The following C9orf72 variants were observed in gnomAD, a reference collection of about 807,000 sequenced individuals.
C9orf72 encodes guanine nucleotide exchange factor C9orf72.
In C9orf72, 44 loss-of-function variants were observed where a neutral mutation model predicts 51.6. The ratio of observed to expected loss-of-function variants is 0.85; its 90% confidence interval spans 0.67 to 1.10. The LOEUF is 1.10. Among genes scored for constraint, C9orf72 ranks in the 50% least tolerant of loss-of-function variants. C9orf72 has a pLI of 0.00. For missense variants in C9orf72, 607 were observed against 570.6 expected (o/e 1.06, Z -0.65); for synonymous variants, 213 against 194.2 (o/e 1.10, Z -0.81).
In C9orf72 at chr9:27,550,655, C is replaced by T; in HGVS notation, c.1144G>A (p.Asp382Asn). 12 of 1,579,218 alleles carry T rather than the reference C, an allele frequency of 7.6e-6. No homozygotes were observed. Among genetic ancestry groups the T allele is most frequent in the Non-Finnish European group, 9.5e-6 (11 of 1,155,384 alleles). The change falls in exon 9 of 11, where the codon GAT (aspartate) becomes AAT (asparagine). Residue 382 changes from aspartate (D) to asparagine (N), a missense_variant. Coordinates refer to ENST00000380003, the MANE Select transcript of C9orf72 (RefSeq NM_018325.5). ...ATCTCAAGTTCAACATTTACCTGAT[C>T]CAGGAAGGCTTTCACTAGAGTGTCT... The part of the protein sequence containing the change: ...HRDTLVKAFL[D>N]QVFQLKPGLS...
At chr9:27,572,709 T>C (rs1044342689) in intron 1 of C9orf72, among the ~76,000 whole-genome samples, 2 of 152,280 alleles carry the variant, frequency 1.3e-5, no homozygotes, top group African/African-American at 2.4e-5. Context: ...CGCGGCCAGA[T>C]AGACCCAATG....
chr9:27,556,886 C>G, intron 7 of C9orf72, 90 bp from the exon 8 acceptor site: 1 of 847,816 alleles, frequency 1.2e-6, no homozygotes, highest in South Asian at 1.6e-5. Flanking sequence ...TCTGATTTAG[C>G]AAATCCATCT....
At chr9:27,559,949 A>T (rs530713200) in intron 6 of C9orf72, 370 of 176,122 alleles carry the variant, frequency 2.1e-3, no homozygotes, top group Middle Eastern at 0.012. Flanking sequence ...TAGAAGAGTA[A>T]TTTTTTTTAT....
At position 27,550,697 on chromosome 9, in the gene C9orf72, GA is replaced by G; in HGVS notation, c.1101del (p.Gln368LysfsTer9). 1 of 1,573,658 alleles carries G rather than the reference GA, an allele frequency of 6.4e-7. No homozygotes were observed. On this transcript the variant is annotated frameshift_variant, in exon 9 of 11. Transcript: ENST00000380003. LOFTEE classifies it high-confidence loss of function. ...AGAGTGTCTCTGTGTAAGACATCTT[GA>G]AAAATATTCCTGAAGAAAAGAAGAA... ...DESFTPDLNI[F>X]QDVLHRDTLV...
At chr9:27,565,012 G>A (rs1432846788) in intron 3 of C9orf72, among the ~76,000 whole-genome samples, 2 of 152,292 alleles carry the variant, frequency 1.3e-5, no homozygotes, top group South Asian at 2.1e-4. Flanking sequence ...TCCTAGAGGA[G>A]AGGGTAAGAA....
chr9:27,565,246 T>G (rs10812618), intron 3 of C9orf72, among the ~76,000 whole-genome samples: 29,555 of 151,978 alleles, frequency 0.19, 3,109 homozygotes, highest in Non-Finnish European at 0.23. Flanking sequence ...CAATTTTTTT[T>G]ATTTTTACTA....
In C9orf72 at chr9:27,566,972, T is replaced by G. The variant is rs1414695944; in HGVS notation, c.149A>C (p.Glu50Ala). ...TTCTCCATCACTGAGAAGTACCTGTTCTGTCTTTGGAGCCCAAATGTGCCT... is the reference window on the plus strand; with the variant it reads ...TTCTCCATCACTGAGAAGTACCTGTGCTGTCTTTGGAGCCCAAATGTGCCT... ...RVRHIWAPKT[E>A]QVLLSDGEIT... is the part of the protein sequence containing the mutation. Residue 50 changes from glutamate to alanine, a missense_variant, in exon 2 of 11, where the codon GAA becomes GCA. Glu to Ala is a moderately radical substitution (Grantham distance 107). Transcript: ENST00000380003. 1.9e-6 allele frequency: 3 copies of G among 1,614,026 alleles called. No homozygotes were observed. In the African/African-American group the frequency reaches 4.0e-5, roughly 22 times the overall value.
At chr9:27,565,401 T>C (rs149452353) in intron 3 of C9orf72, 130 bp downstream of exon 3, 1 of 492,398 alleles carries the variant, frequency 2.0e-6, no homozygotes, top group Non-Finnish European at 3.6e-6. Context: ...CAGTTTATTC[T>C]GTACACCTCC....
Position 27,566,951 on chromosome 9 carries a change from C to G in C9orf72, c.170G>C (p.Gly57Ala), listed in dbSNP as rs1819481651. 1 of 1,614,094 alleles carries G rather than the reference C, an allele frequency of 6.2e-7. No individual in the cohort carries two copies. Among genetic ancestry groups the G allele is most frequent in the Non-Finnish European group, 8.5e-7 (1 of 1,179,956 alleles). Residue 57 changes from glycine (G) to alanine (A), a missense_variant, in exon 2 of 11, where the codon GGA becomes GCA. Coordinates refer to ENST00000380003, the MANE Select transcript of C9orf72 (RefSeq NM_018325.5). ...PKTEQVLLSD[G>A]EITFLANHTL... ...GTGGTTGGCAAGAAAAGTTATTTCT[C>G]CATCACTGAGAAGTACCTGTTCTGT...
intron 3 of C9orf72, among the ~76,000 whole-genome samples, chr9:27,565,298 A>G (rs1024508947): frequency 6.6e-6 from 1 of 152,128 alleles, no homozygotes; most frequent in Non-Finnish European, 1.5e-5. Flanking sequence ...AACAGAAAAA[A>G]AAAGGGAGCA....
chr9:27,570,389 G>A (rs1301531739), intron 1 of C9orf72, among the ~76,000 whole-genome samples: 1 of 151,946 alleles, frequency 6.6e-6, no homozygotes, highest in African/African-American at 2.4e-5. Context: ...TTAAAAAGGT[G>A]GATAATCATA....
intron 2 of C9orf72, 39 bp downstream of exon 2, chr9:27,566,638 G>T: frequency 7.2e-7 from 1 of 1,393,796 alleles, no homozygotes; most frequent in Non-Finnish European, 9.8e-7. Flanking sequence ...GCTTTCAACA[G>T]ATAGGTTAAC....
At chr9:27,567,820 T>C (rs1031162230) in intron 1 of C9orf72, among the ~76,000 whole-genome samples, 2 of 151,912 alleles carry the variant, frequency 1.3e-5, no homozygotes, top group Non-Finnish European at 2.9e-5. Context: ...AAAAGGCAGA[T>C]ACTGGATTGT....
At chr9:27,551,252 A>G (rs891380580) in intron 8 of C9orf72, among the ~76,000 whole-genome samples, 1 of 152,218 alleles carries the variant, frequency 6.6e-6, no homozygotes, top group African/African-American at 2.4e-5. Context: ...ACATGAACCA[A>G]CTATCCAAGA....
At chr9:27,549,260 C>T (rs1310576173) in intron 9 of C9orf72, among the ~76,000 whole-genome samples, 4 of 152,270 alleles carry the variant, frequency 2.6e-5, no homozygotes, top group East Asian at 1.9e-4. Flanking sequence ...TAAGTTATTT[C>T]GTATTACTTA....
Position 27,569,031 on chromosome 9 carries a change from T to C in C9orf72, c.-44-1867A>G, listed in dbSNP as rs570522558. ...ATACTGATGATCCTAATCCTGTCTA[T>C]GCCTAGGTGAAAGTGTGTGTGTTTT... is the stretch of plus-strand genomic sequence containing the variant. On this transcript the variant is annotated intron_variant, in intron 1 of 10. Transcript: ENST00000380003. 2.6e-5 allele frequency among the ~76,000 whole-genome samples: 4 copies of C among 151,944 alleles called. No homozygotes were observed. In the South Asian group the frequency reaches 8.3e-4, roughly 31 times the overall value.
Position 27,556,756 on chromosome 9 carries a change from A to C in C9orf72, c.896T>G (p.Met299Arg). The change falls in exon 8 of 11, where the codon ATG (methionine) becomes AGG (arginine). Residue 299 changes from methionine (M) to arginine (R), a missense_variant. Transcript: ENST00000380003. Reference protein sequence around the residue: ...GSFVLPFRQVMYAPYPTTHID... With the variant: ...GSFVLPFRQVRYAPYPTTHID... ...GTGTGTGGTGGGATATGGAGCATACATGACTTGCCGGAAAGGCAGCACAAA... is the reference window on the plus strand; with the variant it reads ...GTGTGTGGTGGGATATGGAGCATACCTGACTTGCCGGAAAGGCAGCACAAA... 1 of 1,613,996 alleles carries C rather than the reference A, an allele frequency of 6.2e-7. No individual in the cohort carries two copies.
chr9:27,565,752 G>A (rs1171250860), intron 2 of C9orf72, among the ~76,000 whole-genome samples, 162 bp from the exon 3 acceptor site: 3 of 152,074 alleles, frequency 2.0e-5, no homozygotes, highest in African/African-American at 7.2e-5. Flanking sequence ...CCCAACAAAT[G>A]CATGTTCTCA....
intron 1 of C9orf72, among the ~76,000 whole-genome samples, chr9:27,571,764 C>A (rs1212891174): frequency 1.3e-5 from 2 of 152,216 alleles, no homozygotes; most frequent in African/African-American, 4.8e-5. Flanking sequence ...GCTCTCAATA[C>A]TTGTAACCAT....
Sources: allele counts gnomAD v4.1 joint callset (sites outside exome capture counted in the v4.1 genomes callset), GRCh38; gene constraint gnomAD v4.1.1; transcripts MANE v1.5; gene names NCBI Gene and HGNC (gene_info 2026-07-23, HGNC 2026-07-21).